The following CNBD1 variants were observed in gnomAD, a reference collection of about 807,000 sequenced individuals.
CNBD1 encodes the protein cyclic nucleotide-binding domain-containing protein 1.
A neutral mutation model predicts 54.4 loss-of-function variants in CNBD1; 71 were observed. That is an observed-to-expected ratio of 1.30 (90% CI 1.08 to 1.59). The LOEUF (loss-of-function observed/expected upper bound fraction) is 1.59. Among genes scored for constraint, CNBD1 ranks in the 40% most tolerant of loss-of-function variants. CNBD1 has a pLI of 0.00. For missense variants in CNBD1, 659 were observed against 518.0 expected, an observed-to-expected ratio of 1.27 and a Z score of -2.64; for synonymous variants, 182 against 170.7, an observed-to-expected ratio of 1.07 and a Z score of -0.51.
chr8:87,107,165 A>C (rs117121316), intron 4 of CNBD1, among the ~76,000 whole-genome samples: 138 of 152,280 alleles, frequency 9.1e-4, no homozygotes, highest in Non-Finnish European at 1.6e-3. Flanking sequence ...CTGATGTCTT[A>C]AAAGTAGCAT....
At chr8:87,307,400 A>G (rs1372889544) in intron 8 of CNBD1, among the ~76,000 whole-genome samples, 1 of 152,162 alleles carries the variant, frequency 6.6e-6, no homozygotes, top group African/African-American at 2.4e-5. Context: ...GATTTGTAAA[A>G]TGGAATCTGG....
At chr8:87,349,476 A>T (rs1810239274) in intron 8 of CNBD1, among the ~76,000 whole-genome samples, 1 of 152,136 alleles carries the variant, frequency 6.6e-6, no homozygotes, top group African/African-American at 2.4e-5. Context: ...CCTGGGTTCA[A>T]GCTATTCCCC....
rs34800282 is a variant in CNBD1, at chr8:87,118,314, CAAAAAAAAA to C, written c.432-87663_432-87655del. ...TGGGCGACAGAGCGAGACTCTGTCT[CAAAAAAAAA>C]AAAAAAAAAAAAAAATAGAGCGGTA... On this transcript the variant is annotated intron_variant, in intron 4 of 10. Transcript: ENST00000518476. 8.3e-3 allele frequency among the ~76,000 whole-genome samples: 907 copies of C among 109,126 alleles called. 8 individuals carry two copies. Among genetic ancestry groups the C allele is most frequent in the African/African-American group, 0.026 (753 of 28,524 alleles). 71.6% of individuals were successfully genotyped at this position (109,126 alleles called of 152,430 possible).
chr8:87,263,682 G>A (rs984262851), intron 6 of CNBD1, among the ~76,000 whole-genome samples: 2 of 151,808 alleles, frequency 1.3e-5, no homozygotes, highest in Non-Finnish European at 2.9e-5. Flanking sequence ...ATTTTACCAA[G>A]GCAAACAAAA....
At chr8:87,392,865 G>A (rs1404659501) in intron 2 of CNBD1, among the ~76,000 whole-genome samples, 1 of 151,908 alleles carries the variant, frequency 6.6e-6, no homozygotes, top group African/African-American at 2.4e-5. Context: ...GATGATGTCT[G>A]GGACTAGCTT....
At chr8:86,987,410 T>G (rs1808633429) in intron 4 of CNBD1, among the ~76,000 whole-genome samples, 1 of 152,264 alleles carries the variant, frequency 6.6e-6, no homozygotes, top group South Asian at 2.1e-4. Flanking sequence ...CTTTTGGCAG[T>G]CTTTAGCATT....
chr8:87,034,328 A>C (rs1349231259), intron 4 of CNBD1, among the ~76,000 whole-genome samples: 1 of 152,204 alleles, frequency 6.6e-6, no homozygotes, highest in Non-Finnish European at 1.5e-5. Flanking sequence ...ATGACAGACC[A>C]CTTTTTACTG....
Position 87,382,703 on chromosome 8 carries a change from T to C in CNBD1, c.*76T>C, listed in dbSNP as rs1053557299. The C allele has an allele frequency of 3.0e-5, 33 of 1,100,330 alleles. No individual in the cohort carries two copies. The highest frequency in any genetic ancestry group is 9.4e-5 in the African/African-American group (6 of 63,862). The allele number at this position is 1,100,330 out of a possible 1,614,324, so 68.2% of individuals were successfully genotyped here. ...ATGGAATAATTGCATTCTGGAATAC[T>C]ATCAAACTACCAGCAATGAATTTGG... On this transcript the variant is annotated 3_prime_UTR_variant, in exon 11 of 11. Transcript: ENST00000518476.
chr8:87,043,894 C>T (rs1291075159), intron 4 of CNBD1, among the ~76,000 whole-genome samples: 3 of 152,230 alleles, frequency 2.0e-5, no homozygotes. Flanking sequence ...TCCTCCCCAT[C>T]CCACTGTCAG....
At chr8:87,093,062 A>G (rs1264792929) in intron 4 of CNBD1, among the ~76,000 whole-genome samples, 1 of 152,190 alleles carries the variant, frequency 6.6e-6, no homozygotes, top group Non-Finnish European at 1.5e-5. Context: ...ATGTATGAAT[A>G]AACACAATCT....
intron 2 of CNBD1, among the ~76,000 whole-genome samples, chr8:87,428,153 AG>A (rs1808082144): frequency 6.6e-6 from 1 of 151,198 alleles, no homozygotes; most frequent in Admixed American, 6.6e-5. Context: ...AGGCAAAAAA[AG>A]AAAAAAAAAA....
intron 2 of CNBD1, among the ~76,000 whole-genome samples, chr8:87,408,502 G>C (rs1807687217): frequency 6.6e-6 from 1 of 151,974 alleles, no homozygotes; most frequent in Non-Finnish European, 1.5e-5. Context: ...ATTTAATTGA[G>C]TCATCTTTAT....
At chr8:86,989,141 G>A (rs575441173) in intron 4 of CNBD1, among the ~76,000 whole-genome samples, 12 of 152,110 alleles carry the variant, frequency 7.9e-5, no homozygotes, top group Admixed American at 2.0e-4. Context: ...GCATGGTGAC[G>A]TGTGCCTGTA....
At chr8:87,033,649 C>T (rs1038103258) in intron 4 of CNBD1, among the ~76,000 whole-genome samples, 1 of 152,160 alleles carries the variant, frequency 6.6e-6, no homozygotes, top group South Asian at 2.1e-4. Flanking sequence ...CATTTATCTT[C>T]CTTACTAATA....
At chr8:87,079,677 T>C (rs931576130) in intron 4 of CNBD1, among the ~76,000 whole-genome samples, 28 of 152,196 alleles carry the variant, frequency 1.8e-4, no homozygotes, top group African/African-American at 6.8e-4. Flanking sequence ...TTTATATAGT[T>C]GTTTCTTTTT....
chr8:87,403,636 G>T (rs3923907), intron 2 of CNBD1, among the ~76,000 whole-genome samples: 85,946 of 151,650 alleles, frequency 0.57, 25,840 homozygotes, highest in African/African-American at 0.77. Context: ...TTGCACAAGG[G>T]AGGCACTCAT....
chr8:87,247,132 A>T (rs1255632045), intron 6 of CNBD1, among the ~76,000 whole-genome samples: 1 of 152,118 alleles, frequency 6.6e-6, no homozygotes, highest in Non-Finnish European at 1.5e-5. Context: ...CTCCACCTTG[A>T]CTTTAATCCA....
chr8:87,023,868 A>G (rs1343353531), intron 4 of CNBD1, among the ~76,000 whole-genome samples: 1 of 152,212 alleles, frequency 6.6e-6, no homozygotes, highest in East Asian at 1.9e-4. Context: ...ACAGTATTAT[A>G]AATGCAGTTT....
chr8:87,213,647 C>T (rs1286416349), intron 5 of CNBD1, among the ~76,000 whole-genome samples: 2 of 152,086 alleles, frequency 1.3e-5, no homozygotes, highest in African/African-American at 2.4e-5. Context: ...ATGGGAGCTA[C>T]AATTCAAGAT....
Sources: allele counts gnomAD v4.1 joint callset (sites outside exome capture counted in the v4.1 genomes callset), GRCh38; gene constraint gnomAD v4.1.1; transcripts MANE v1.5; gene names NCBI Gene and HGNC (gene_info 2026-07-23, HGNC 2026-07-21).